ZNF804B: variants seen among roughly 807,000 people sequenced by gnomAD.
The protein encoded by ZNF804B is zinc finger protein 804B.
In ZNF804B, 80 loss-of-function variants were observed where a neutral mutation model predicts 101.4. The ratio of observed to expected loss-of-function variants is 0.79; its 90% CI spans 0.66 to 0.95. The LOEUF is 0.95. ZNF804B is among the 40% of genes least tolerant of loss of function. ZNF804B has a pLI of 0.00. For synonymous variants in ZNF804B, 622 were observed against 558.8 expected (o/e 1.11, Z -1.59); for missense variants, 1,673 against 1,561.9 (o/e 1.07, Z -1.20).
intron 1 of ZNF804B, among the ~76,000 whole-genome samples, chr7:88,808,891 C>A (rs956171926): frequency 6.6e-6 from 1 of 152,064 alleles, no homozygotes; most frequent in African/African-American, 2.4e-5. Flanking sequence ...CTCAAGGTGA[C>A]CCTTAGTCAC....
At chr7:89,201,403 A>C (rs1788634530) in intron 1 of ZNF804B, among the ~76,000 whole-genome samples, 2 of 152,094 alleles carry the variant, frequency 1.3e-5, no homozygotes, top group Non-Finnish European at 1.5e-5. Flanking sequence ...ATGGAATAAC[A>C]GACACTGGAG....
intron 2 of ZNF804B, among the ~76,000 whole-genome samples, chr7:89,251,430 G>T (rs1789538815): frequency 6.6e-6 from 1 of 152,090 alleles, no homozygotes; most frequent in African/African-American, 2.4e-5. Flanking sequence ...ACAAAATACT[G>T]CTGAAAGAAA....
At chr7:89,284,050 A>C (rs1362633893) in intron 2 of ZNF804B, among the ~76,000 whole-genome samples, 1 of 152,360 alleles carries the variant, frequency 6.6e-6, no homozygotes, top group Non-Finnish European at 1.5e-5. Flanking sequence ...AAATTTATCA[A>C]AATGTACACA....
At chr7:89,047,648 T>C (rs1410998992) in intron 1 of ZNF804B, among the ~76,000 whole-genome samples, 3 of 152,148 alleles carry the variant, frequency 2.0e-5, no homozygotes. Flanking sequence ...TGTTCACAAA[T>C]GGAGAAACAT....
rs1207265464 is a variant in ZNF804B at position 88,854,527 on chromosome 7, TTTCCTTCC to T, written c.108+94496_108+94503del. ...CTTTCCTTTCCTTTCCTTTCCTTCC[TTTCCTTCC>T]TTCCTTCCTTCCTTCCTTCCTTCCT... On this transcript the variant is annotated intron_variant, in intron 1 of 3. Transcript: ENST00000333190. Among the ~76,000 whole-genome samples the T allele has an allele frequency of 2.7e-3, 108 of 40,066 alleles. 3 individuals are homozygous for T. The highest frequency in any genetic ancestry group is 0.024 in the Middle Eastern group (2 of 82). The allele number at this position is 40,066 out of a possible 152,430, so 26.3% of individuals were successfully genotyped here. A position where few individuals can be genotyped will look rare whatever the true frequency, so the allele number is the denominator to read the frequency against.
intron 1 of ZNF804B, among the ~76,000 whole-genome samples, chr7:88,853,763 G>T (rs1791479782): frequency 2.0e-5 from 3 of 152,104 alleles, no homozygotes; most frequent in African/African-American, 7.2e-5. Flanking sequence ...TTTCACCAAT[G>T]TATAATAACC....
At position 89,138,846 on chromosome 7, in the gene ZNF804B, A is replaced by T. The variant is rs112247036; in HGVS notation, c.109-79309A>T. Among the ~76,000 whole-genome samples, 1,399 of 152,160 alleles carry T rather than the reference A, an allele frequency of 9.2e-3. 14 individuals carry two copies. The highest frequency in any genetic ancestry group is 0.032 in the African/African-American group (1,317 of 41,534). On this transcript the variant is annotated intron_variant, in intron 1 of 3. Coordinates refer to ENST00000333190, the MANE Select transcript of ZNF804B (RefSeq NM_181646.5). ...CCTGCTGCCATTCATGTGAGACATG[A>T]CTTACTCTTCTTTATCTTCCACCAT...
At chr7:89,299,126 T>G (rs758901) in intron 2 of ZNF804B, among the ~76,000 whole-genome samples, 138,579 of 151,986 alleles carry the variant, frequency 0.91, 63,312 homozygotes, top group East Asian at 1. Context: ...AGAACTACCA[T>G]ATATATAGAT....
At chr7:88,820,487 C>T (rs1019431451) in intron 1 of ZNF804B, among the ~76,000 whole-genome samples, 1 of 152,178 alleles carries the variant, frequency 6.6e-6, no homozygotes, top group African/African-American at 2.4e-5. Context: ...ATGAGCCTCC[C>T]TTTCTCATAG....
intron 2 of ZNF804B, among the ~76,000 whole-genome samples, chr7:89,298,212 GTGTGTATATATATATATATATATA>G (rs1419078365): frequency 3.1e-5 from 2 of 65,278 alleles, no homozygotes; most frequent in African/African-American, 1.6e-4. Flanking sequence ...GTGTGTGTGT[GTGTGTATATATATATATATATATA>G]TATATATATA....
intron 2 of ZNF804B, among the ~76,000 whole-genome samples, chr7:89,253,076 C>A (rs981961049): frequency 6.6e-6 from 1 of 151,964 alleles, no homozygotes; most frequent in African/African-American, 2.4e-5. Context: ...AGAAAAAAAT[C>A]TATAATTAAA....
chr7:88,937,643 T>G (rs905211585), intron 1 of ZNF804B, among the ~76,000 whole-genome samples: 2 of 151,774 alleles, frequency 1.3e-5, no homozygotes, highest in African/African-American at 4.8e-5. Flanking sequence ...CATAAATAAA[T>G]AATCTAATTT....
At chr7:89,140,168 A>G (rs1790694611) in intron 1 of ZNF804B, among the ~76,000 whole-genome samples, 2 of 152,046 alleles carry the variant, frequency 1.3e-5, no homozygotes, top group African/African-American at 4.8e-5. Flanking sequence ...TTTTCTGAGT[A>G]GAAAAAAAAT....
chr7:89,019,927 A>G (rs1788637535), intron 1 of ZNF804B, among the ~76,000 whole-genome samples: 1 of 151,996 alleles, frequency 6.6e-6, no homozygotes. Context: ...GATTGTGGAA[A>G]TATAATCAAT....
chr7:88,826,830 A>G (rs1215659027), intron 1 of ZNF804B, among the ~76,000 whole-genome samples: 1 of 152,106 alleles, frequency 6.6e-6, no homozygotes, highest in Non-Finnish European at 1.5e-5. Context: ...GATAAGAACA[A>G]TGCTAAAATA....
chr7:88,874,249 A>T (rs1163181855), intron 1 of ZNF804B, among the ~76,000 whole-genome samples: 1 of 152,064 alleles, frequency 6.6e-6, no homozygotes, highest in African/African-American at 2.4e-5. Flanking sequence ...ATGGGAGTTC[A>T]CTCATGATTT....
intron 1 of ZNF804B, among the ~76,000 whole-genome samples, chr7:88,984,619 G>A (rs935226958): frequency 1.3e-5 from 2 of 152,002 alleles, no homozygotes; most frequent in Admixed American, 1.3e-4. Flanking sequence ...TAATAGTGCA[G>A]TGCAATAGGG....
chr7:89,002,706 T>C lies in ZNF804B; in HGVS notation c.109-215449T>C, dbSNP rs149366079. On this transcript the variant is annotated intron_variant, in intron 1 of 3. Coordinates refer to ENST00000333190, the MANE Select transcript of ZNF804B (RefSeq NM_181646.5). ...GGTATTTAAGGACTTAAATCAGCTA[T>C]AGTCTTCTTATCTCATGTTGAATAG... is the stretch of plus-strand genomic sequence containing the variant. Among the ~76,000 whole-genome samples the C allele has an allele frequency of 2.6e-5, 4 of 152,062 alleles. No homozygotes were observed. In the East Asian group the frequency reaches 7.7e-4, roughly 29 times the overall value.
At chr7:88,995,713 A>G (rs1045417651) in intron 1 of ZNF804B, among the ~76,000 whole-genome samples, 8 of 152,080 alleles carry the variant, frequency 5.3e-5, no homozygotes, top group East Asian at 3.9e-4. Flanking sequence ...TGTGGGAAAG[A>G]GTAACTTCAC....
Sources: allele counts gnomAD v4.1 joint callset (sites outside exome capture counted in the v4.1 genomes callset), GRCh38; gene constraint gnomAD v4.1.1; transcripts MANE v1.5; gene names NCBI Gene and HGNC (gene_info 2026-07-23, HGNC 2026-07-21).